The following SCRG1 variants were observed in gnomAD, a reference collection of about 807,000 sequenced individuals.
SCRG1 encodes the protein stimulator of chondrogenesis 1.
In SCRG1, 3 loss-of-function variants were observed where a neutral mutation model predicts 7.7. The ratio of observed to expected loss-of-function variants is 0.39; its 90% CI spans 0.18 to 1.01. The LOEUF (loss-of-function observed/expected upper bound fraction) is 1.01. Ranked by LOEUF, SCRG1 falls within the 50% of genes least tolerant of loss-of-function variation. SCRG1 has a pLI of 0.36. For missense variants in SCRG1, 110 were observed against 117.2 expected (o/e 0.94, Z 0.28); for synonymous variants, 46 against 41.2 (o/e 1.12, Z -0.44).
the SCRG1 span, among the ~76,000 whole-genome samples, chr4:173,452,640 A>T: frequency 2.0e-5 from 3 of 152,154 alleles, no homozygotes; most frequent in African/African-American, 7.2e-5. Flanking sequence ...CCTCATATTC[A>T]TTCTTTCCTA....
At chr4:173,431,268 A>G in the SCRG1 span, among the ~76,000 whole-genome samples, 1 of 152,188 alleles carries the variant, frequency 6.6e-6, no homozygotes, top group South Asian at 2.1e-4. Flanking sequence ...GGAACTGAGC[A>G]TGGGAGTGGG....
At chr4:173,396,665 A>G (rs1739611995) in intron 1 of SCRG1, among the ~76,000 whole-genome samples, 1 of 151,784 alleles carries the variant, frequency 6.6e-6, no homozygotes. Flanking sequence ...TCTAAGTCGC[A>G]TACTACAATG....
the SCRG1 span, among the ~76,000 whole-genome samples, chr4:173,512,201 C>T: frequency 3.3e-5 from 5 of 152,162 alleles, no homozygotes. Context: ...CCCTTTGGTC[C>T]TGAGAGGGCA....
chr4:173,401,065 C>T (rs115327182), upstream of SCRG1, among the ~76,000 whole-genome samples: 638 of 152,208 alleles, frequency 4.2e-3, 4 homozygotes, highest in African/African-American at 0.015. Context: ...GAGAACAACA[C>T]GTGCACACCC....
At chr4:173,506,801 G>A in the SCRG1 span, among the ~76,000 whole-genome samples, 1 of 152,138 alleles carries the variant, frequency 6.6e-6, no homozygotes, top group Non-Finnish European at 1.5e-5. This position sits in a 1 kb window ranked among gnomAD's most constrained non-coding sequence, Gnocchi z 5.3. Flanking sequence ...ATTCCGGGAC[G>A]GCGGTGTCTA....
At chr4:173,501,468 G>A in the SCRG1 span, among the ~76,000 whole-genome samples, 1 of 152,218 alleles carries the variant, frequency 6.6e-6, no homozygotes, top group African/African-American at 2.4e-5. This position sits in a 1 kb window ranked among gnomAD's most constrained non-coding sequence, Gnocchi z 5.1. Flanking sequence ...CAGTGCGCCT[G>A]TGGTTGCGGG....
chr4:173,475,866 A>G, the SCRG1 span, among the ~76,000 whole-genome samples: 1 of 152,114 alleles, frequency 6.6e-6, no homozygotes, highest in East Asian at 1.9e-4. Context: ...AACTCCACTT[A>G]TAGGAATAGA....
At chr4:173,479,431 G>GTTT in the SCRG1 span, among the ~76,000 whole-genome samples, 3 of 130,022 alleles carry the variant, frequency 2.3e-5, no homozygotes, top group East Asian at 5.2e-4. Flanking sequence ...TTTTTTGTTT[G>GTTT]TTTGTTTTTT....
chr4:173,483,253 T>C, the SCRG1 span, among the ~76,000 whole-genome samples: 1 of 63,414 alleles, frequency 1.6e-5, no homozygotes, highest in Middle Eastern at 0.017. Flanking sequence ...ATATATCATA[T>C]ATGATATATC....
At chr4:173,425,213 A>G in the SCRG1 span, among the ~76,000 whole-genome samples, 1 of 152,230 alleles carries the variant, frequency 6.6e-6, no homozygotes, top group African/African-American at 2.4e-5. Context: ...AAAAAGGCAG[A>G]GTTACCAGTA....
At chr4:173,510,643 C>T in the SCRG1 span, among the ~76,000 whole-genome samples, 1 of 152,002 alleles carries the variant, frequency 6.6e-6, no homozygotes, top group East Asian at 1.9e-4. This position sits in a 1 kb window ranked among gnomAD's most constrained non-coding sequence, Gnocchi z 5.7. Flanking sequence ...CAACTTCCCT[C>T]CCCCTGGGAT....
At chr4:173,417,336 A>G in the SCRG1 span, among the ~76,000 whole-genome samples, 2 of 152,190 alleles carry the variant, frequency 1.3e-5, no homozygotes, top group African/African-American at 4.8e-5. Flanking sequence ...CATTTTATAG[A>G]TTAGGAATGT....
chr4:173,483,001 GTATAA>G, the SCRG1 span, among the ~76,000 whole-genome samples: 3 of 123,814 alleles, frequency 2.4e-5, no homozygotes, highest in African/African-American at 6.2e-5. Context: ...TATTTCATAT[GTATAA>G]TATATTATAT....
At chr4:173,424,723 A>G in the SCRG1 span, among the ~76,000 whole-genome samples, 3 of 152,132 alleles carry the variant, frequency 2.0e-5, no homozygotes, top group African/African-American at 7.2e-5. Context: ...AGCCTGGCCA[A>G]CATGGTGAAA....
the SCRG1 span, among the ~76,000 whole-genome samples, chr4:173,478,841 A>G: frequency 1.3e-5 from 2 of 152,226 alleles, no homozygotes; most frequent in African/African-American, 4.8e-5. Context: ...AAACGAACGG[A>G]CACAGACTTT....
the SCRG1 span, among the ~76,000 whole-genome samples, chr4:173,414,352 A>C: frequency 6.6e-6 from 1 of 152,204 alleles, no homozygotes; most frequent in East Asian, 1.9e-4. Flanking sequence ...TCTGTAATGC[A>C]TTCTGGAGTC....
At chr4:173,427,136 G>A in the SCRG1 span, among the ~76,000 whole-genome samples, 1 of 152,172 alleles carries the variant, frequency 6.6e-6, no homozygotes, top group Non-Finnish European at 1.5e-5. Context: ...TGAGGAAAAT[G>A]AGACTTAGGA....
At chr4:173,516,057 C>T in the SCRG1 span, among the ~76,000 whole-genome samples, 1 of 152,198 alleles carries the variant, frequency 6.6e-6, no homozygotes, top group African/African-American at 2.4e-5. Context: ...TCTTCATCTT[C>T]CCACTCCCTG....
At chr4:173,504,113 G>A in the SCRG1 span, among the ~76,000 whole-genome samples, 381 of 152,312 alleles carry the variant, frequency 2.5e-3, 1 homozygote, top group African/African-American at 8.8e-3. This position sits in a 1 kb window ranked among gnomAD's most constrained non-coding sequence, Gnocchi z 4.7. Flanking sequence ...GACCATGTTC[G>A]CTGGTGCAGT....
Sources: gnomAD v4.1 joint callset for allele counts (sites outside exome capture counted in the v4.1 genomes callset) on GRCh38, gnomAD v4.1.1 for gene constraint, Gnocchi (gnomAD v3.1) non-coding constraint, MANE v1.5 for transcripts, NCBI Gene and HGNC (gene_info 2026-07-23, HGNC 2026-07-21) for gene names.